The following NYAP2 variants were observed in gnomAD, a reference collection of about 807,000 sequenced individuals.
The protein encoded by NYAP2 is neuronal tyrosine-phosphorylated phosphoinositide-3-kinase adapter 2.
NYAP2 carries 23 observed loss-of-function variants against 50.4 expected under a neutral mutation model. That is an observed-to-expected ratio of 0.46 (90% CI 0.33 to 0.65). The LOEUF (loss-of-function observed/expected upper bound fraction) is 0.65, where lower values mean the gene tolerates loss of function less well. Among genes scored for constraint, NYAP2 ranks in the 30% least tolerant of loss-of-function variants. NYAP2 has a pLI of 0.02. For synonymous variants in NYAP2, 394 were observed against 365.2 expected, an observed-to-expected ratio of 1.08 and a Z score of -0.90; for missense variants, 885 against 861.0, an observed-to-expected ratio of 1.03 and a Z score of -0.35.
intron 3 of NYAP2, among the ~76,000 whole-genome samples, chr2:225,451,727 T>C (rs542765191): frequency 8.8e-4 from 134 of 152,338 alleles, no homozygotes; most frequent in Non-Finnish European, 1.5e-3. Context: ...CTAAAAATAA[T>C]GAGTGAAATA....
At chr2:225,440,279 A>G (rs1251883560) in intron 3 of NYAP2, among the ~76,000 whole-genome samples, 1 of 152,246 alleles carries the variant, frequency 6.6e-6, no homozygotes, top group Non-Finnish European at 1.5e-5. Context: ...TGGGTAGAAT[A>G]AATGAAGATA....
intron 4 of NYAP2, among the ~76,000 whole-genome samples, chr2:225,565,495 C>T (rs1170663709): frequency 3.3e-5 from 5 of 152,168 alleles, no homozygotes; most frequent in Admixed American, 3.3e-4. Flanking sequence ...ACTCATTTTA[C>T]AATTTCCCAG....
intron 5 of NYAP2, among the ~76,000 whole-genome samples, chr2:225,607,258 G>T (rs1299789530): frequency 6.6e-6 from 1 of 152,062 alleles, no homozygotes; most frequent in African/African-American, 2.4e-5. Context: ...GGCAGAGAAA[G>T]TAAGAAAATG....
intron 4 of NYAP2, among the ~76,000 whole-genome samples, chr2:225,518,173 A>G (rs1690969663): frequency 6.6e-6 from 1 of 151,976 alleles, no homozygotes; most frequent in Non-Finnish European, 1.5e-5. Context: ...AATACTATTC[A>G]GTCATAAAAA....
At chr2:225,574,301 G>C (rs1425001824) in intron 4 of NYAP2, among the ~76,000 whole-genome samples, 2 of 152,198 alleles carry the variant, frequency 1.3e-5, no homozygotes, top group Non-Finnish European at 2.9e-5. Context: ...GTGGGGGCTA[G>C]AGGAAGGGGA....
chr2:225,630,304 C>T (rs1693284057), intron 6 of NYAP2, among the ~76,000 whole-genome samples: 1 of 152,170 alleles, frequency 6.6e-6, no homozygotes, highest in African/African-American at 2.4e-5. Context: ...GCATCAAGCT[C>T]CGAGGTAGGC....
chr2:225,683,829 C>G, the NYAP2 span, among the ~76,000 whole-genome samples: 1 of 152,138 alleles, frequency 6.6e-6, no homozygotes. Context: ...TGGAAGTAAA[C>G]GGCTTGCTCC....
intron 6 of NYAP2, among the ~76,000 whole-genome samples, chr2:225,649,729 T>A (rs1693697447): frequency 6.6e-6 from 1 of 152,196 alleles, no homozygotes; most frequent in East Asian, 1.9e-4. Flanking sequence ...CTTAGGGCAA[T>A]ATTGGGATTT....
intron 3 of NYAP2, among the ~76,000 whole-genome samples, chr2:225,479,226 C>G (rs1416284387): frequency 6.6e-6 from 1 of 152,118 alleles, no homozygotes; most frequent in Non-Finnish European, 1.5e-5. Flanking sequence ...GAAGAAAAAT[C>G]TGGTTATAAA....
downstream of NYAP2, among the ~76,000 whole-genome samples, chr2:225,655,909 C>CACACACACACACACAT (rs1559242686): frequency 2.3e-4 from 33 of 146,330 alleles, no homozygotes; most frequent in African/African-American, 8.3e-4. Context: ...CACACACACA[C>CACACACACACACACAT]ACACACACAC....
chr2:225,692,866 A>AAC, the NYAP2 span, among the ~76,000 whole-genome samples: 5 of 147,912 alleles, frequency 3.4e-5, no homozygotes, highest in African/African-American at 1.3e-4. Context: ...CTTATCTTTA[A>AAC]ACATACACAC....
At chr2:225,481,743 G>T (rs1690210559) in intron 3 of NYAP2, among the ~76,000 whole-genome samples, 1 of 152,060 alleles carries the variant, frequency 6.6e-6, no homozygotes, top group African/African-American at 2.4e-5. Context: ...TGACATTCTG[G>T]GTCAGGGTGG....
upstream of NYAP2, among the ~76,000 whole-genome samples, chr2:225,398,698 C>G (rs544578957): frequency 6.6e-6 from 1 of 151,948 alleles, no homozygotes; most frequent in African/African-American, 2.4e-5. Context: ...GGTCTGGCCT[C>G]TTCTCTTCCC....
intron 3 of NYAP2, among the ~76,000 whole-genome samples, chr2:225,475,844 A>G (rs962349850): frequency 1.3e-5 from 2 of 152,214 alleles, no homozygotes; most frequent in African/African-American, 4.8e-5. Context: ...TTTATTTAGA[A>G]TATTCTCTGG....
At chr2:225,547,934 A>T (rs76391986) in intron 4 of NYAP2, among the ~76,000 whole-genome samples, 3,174 of 152,206 alleles carry the variant, frequency 0.021, 111 homozygotes, top group African/African-American at 0.071. Context: ...CCTGTTCTTT[A>T]TATCCCTACT....
At chr2:225,685,289 C>G in the NYAP2 span, among the ~76,000 whole-genome samples, 5 of 152,040 alleles carry the variant, frequency 3.3e-5, no homozygotes, top group African/African-American at 1.2e-4. Context: ...CTATTAAAAA[C>G]CAATATTTTA....
intron 5 of NYAP2, among the ~76,000 whole-genome samples, chr2:225,595,989 A>T (rs1247962106): frequency 5.3e-5 from 8 of 152,078 alleles, no homozygotes; most frequent in African/African-American, 1.2e-4. Context: ...TTCATGAAAC[A>T]TCTGATATTG....
intron 3 of NYAP2, among the ~76,000 whole-genome samples, chr2:225,438,542 A>C (rs1027140835): frequency 2.0e-5 from 3 of 152,268 alleles, no homozygotes; most frequent in African/African-American, 7.2e-5. Flanking sequence ...AAAAATATCA[A>C]GAAGTTTTGG....
At chr2:225,677,602 G>C in the NYAP2 span, among the ~76,000 whole-genome samples, 1 of 152,012 alleles carries the variant, frequency 6.6e-6, no homozygotes, top group Non-Finnish European at 1.5e-5. Context: ...TTAATCTGTT[G>C]AGGATTTTTT....
Sources: gnomAD v4.1 joint callset for allele counts (sites outside exome capture counted in the v4.1 genomes callset) on GRCh38, gnomAD v4.1.1 for gene constraint, MANE v1.5 for transcripts, NCBI Gene and HGNC (gene_info 2026-07-23, HGNC 2026-07-21) for gene names.